Variants in ADCY7 observed in about 807,000 individuals in gnomAD.
ADCY7 encodes the protein adenylate cyclase 7, also known as adenylate cyclase type 7.
In ADCY7, 72 loss-of-function variants were observed where a neutral mutation model predicts 120.6. The ratio of observed to expected loss-of-function variants is 0.60; its 90% CI spans 0.49 to 0.73. The LOEUF (loss-of-function observed/expected upper bound fraction) is 0.73, where lower values mean the gene tolerates loss of function less well. ADCY7 is among the 30% of genes least tolerant of loss of function. ADCY7 has a pLI of 0.00. For synonymous variants in ADCY7, 661 were observed against 628.0 expected, an observed-to-expected ratio of 1.05 and a Z score of -0.78; for missense variants, 1,227 against 1,486.0, an observed-to-expected ratio of 0.83 and a Z score of 2.87.
chr16:50,290,739 C>G, intron 3 of ADCY7, 79 bp downstream of exon 3: 1 of 1,459,250 alleles, frequency 6.9e-7, no homozygotes, highest in Non-Finnish European at 9.3e-7. Flanking sequence ...TGCCACAGGC[C>G]CTTCGTGCCC....
rs2035413182 is a variant in ADCY7 at position 50,297,254 on chromosome 16, A to G, written c.949-1650A>G. On this transcript the variant is annotated intron_variant, in intron 7 of 25. Coordinates refer to ENST00000673801, the MANE Select transcript of ADCY7 (RefSeq NM_001114.5). The surrounding 1 kb of genome is among the most constrained non-coding windows in gnomAD (Gnocchi z 4.4). ...GAAGTGTAAGCTCTTTCCAAGAGCC[A>G]GGGCCTCCTCTCTCAGAGGCATACA... Among the ~76,000 whole-genome samples the G allele has an allele frequency of 8.6e-6, 1 of 116,178 alleles. No individual in the cohort carries two copies. Among genetic ancestry groups the G allele is most frequent in the Non-Finnish European group, 2.1e-5 (1 of 47,758 alleles). 76.2% of individuals were successfully genotyped at this position (116,178 alleles called of 152,430 possible).
chr16:50,302,878 G>A (rs2035822871), intron 10 of ADCY7, among the ~76,000 whole-genome samples: 1 of 152,224 alleles, frequency 6.6e-6, no homozygotes, highest in Admixed American at 6.5e-5. Context: ...TTTTGACATG[G>A]AGGTGGATTT....
chr16:50,309,726 G>A (rs1422265297), intron 18 of ADCY7, 80 bp downstream of exon 18: 2 of 1,276,978 alleles, frequency 1.6e-6, no homozygotes, highest in South Asian at 2.7e-5. Flanking sequence ...GACCCTCAAA[G>A]CATGGGTGCT....
rs761960254 is a variant in ADCY7, at chr16:50,314,989, G to A, written c.2972-25G>A. 3 of 1,613,570 alleles carry A rather than the reference G, an allele frequency of 1.9e-6. No homozygotes were observed. In the East Asian group the frequency reaches 6.7e-5, roughly 36 times the overall value. On this transcript the variant is annotated intron_variant, in intron 24 of 25. Transcript: ENST00000673801. ...AGCTTGAGGCTTTGCCTGCACGCTT[G>A]GGTAACTGTAAACATCATCTTCAGG...
Position 50,315,121 on chromosome 16 carries a change from G to A in ADCY7, c.3079G>A (p.Glu1027Lys). 6.2e-7 allele frequency: 1 copy of A among 1,614,200 alleles called. No homozygotes were observed. Among genetic ancestry groups the A allele is most frequent in the East Asian group, 2.2e-5 (1 of 44,884 alleles). The change falls in exon 25 of 26, where the codon GAA becomes AAA. Residue 1027 changes from glutamate to lysine, a missense_variant. This residue lies in a region of ADCY7 where 244 missense variants were observed against 332.8 expected (regional missense o/e 0.73). Coordinates refer to ENST00000673801, the MANE Select transcript of ADCY7 (RefSeq NM_001114.5). ...NVASRMESTG[E>K]LGKIQVTEET... ...GGCCAGCCGAATGGAAAGCACTGGA[G>A]AACTTGGGAAAATCCAGGTAAAGAC... is the stretch of plus-strand genomic sequence containing the variant.
chr16:50,270,045 G>A (rs2033455733), intron 1 of ADCY7, among the ~76,000 whole-genome samples: 1 of 152,088 alleles, frequency 6.6e-6, no homozygotes, highest in Admixed American at 6.6e-5. Context: ...ACAAATATTA[G>A]CCAGCATGGT....
Position 50,315,436 on chromosome 16 carries a change from C to T in ADCY7, c.3174C>T (p.Gly1058=), listed in dbSNP as rs201550200. The change falls in exon 26 of 26, where the codon GGC becomes GGT. Residue 1058 remains glycine (G), a synonymous_variant. Transcript: ENST00000673801. ...GCCGTGGCCTGATCAACGTCAAAGG[C>T]AAAGGCGAGCTGAGGACTTACTTTG... The part of the protein sequence containing the change: ...CECRGLINVK[G]KGELRTYFVC... 3.1e-6 allele frequency: 5 copies of T among 1,614,172 alleles called. No homozygotes were observed. The highest frequency in any genetic ancestry group is 4.2e-6 in the Non-Finnish European group (5 of 1,180,012).
rs146699753 is a variant in ADCY7, at chr16:50,315,364, C to T, written c.3102C>T (p.Thr1034=). ...AGGTCTCTCTTCCTTTTCAGGTTAC[C>T]GAGGAGACCTGCACCATCCTCCAGG... is the stretch of plus-strand genomic sequence containing the variant. ...STGELGKIQV[T]EETCTILQGL... Residue 1034 remains threonine (T), a synonymous_variant, in exon 26 of 26, where the codon ACC becomes ACT. Transcript: ENST00000673801. The T allele has an allele frequency of 1.4e-4, 226 of 1,605,502 alleles. No homozygotes were observed. In the East Asian group the frequency reaches 2.3e-3, roughly 16 times the overall value.
In ADCY7 at chr16:50,294,769, C is replaced by T. The variant is rs752766398; in HGVS notation, c.948+18C>T. 4 of 1,586,662 alleles carry T rather than the reference C, an allele frequency of 2.5e-6. No individual in the cohort carries two copies. The highest frequency in any genetic ancestry group is 2.7e-5 in the African/African-American group (2 of 74,434). ...TCGCCAAGGTGAGCCCGCTGGCCTA[C>T]AATGGGCAAAGCCAGGCCCCTCCCC... On this transcript the variant is annotated intron_variant, in intron 7 of 25. Coordinates refer to ENST00000673801, the MANE Select transcript of ADCY7 (RefSeq NM_001114.5).
chr16:50,262,973 C>T (rs1380425490), upstream of ADCY7, among the ~76,000 whole-genome samples: 1 of 152,122 alleles, frequency 6.6e-6, no homozygotes, highest in African/African-American at 2.4e-5. Flanking sequence ...TGCTCATTAC[C>T]TTGTAATGGG....
intron 1 of ADCY7, among the ~76,000 whole-genome samples, chr16:50,277,600 C>T (rs1004396214): frequency 1.3e-5 from 2 of 151,644 alleles, no homozygotes; most frequent in Non-Finnish European, 2.9e-5. Flanking sequence ...TCAAGTGATC[C>T]GCCTGCCTCA....
At chr16:50,299,827 CTTG>C (rs1393184556) in intron 8 of ADCY7, among the ~76,000 whole-genome samples, 1 of 152,222 alleles carries the variant, frequency 6.6e-6, no homozygotes, top group Non-Finnish European at 1.5e-5. Context: ...AGTGCCCAGC[CTTG>C]TTGGTGGACA....
At chr16:50,245,535 C>G (rs539975362), upstream of ADCY7, among the ~76,000 whole-genome samples, 4 of 152,166 alleles carry the variant, frequency 2.6e-5, no homozygotes, top group Non-Finnish European at 5.9e-5. Flanking sequence ...ACTGGGGCCC[C>G]ACCCTGGGTT....
chr16:50,304,846 G>T, intron 11 of ADCY7, 79 bp from the exon 12 acceptor site: 1 of 1,587,480 alleles, frequency 6.3e-7, no homozygotes, highest in South Asian at 1.1e-5. Context: ...TGCCGGAGGG[G>T]CTGAACCTGG....
Position 50,305,816 on chromosome 16 carries a change from G to C in ADCY7, c.1719G>C (p.Gly573=), listed in dbSNP as rs2036026496. Residue 573 remains glycine (G), a synonymous_variant, in exon 14 of 26, where the codon GGG becomes GGC. Coordinates refer to ENST00000673801, the MANE Select transcript of ADCY7 (RefSeq NM_001114.5). ...CSKSDDFYTF[G]SIFLEKGFER... is the part of the protein sequence containing the mutation. ...AGTCCGATGACTTCTACACCTTTGGGTCCATCTTCCTGGAGAAGGGCTTTG... is the reference window on the plus strand; with the variant it reads ...AGTCCGATGACTTCTACACCTTTGGCTCCATCTTCCTGGAGAAGGGCTTTG... The C allele has an allele frequency of 6.2e-7, 1 of 1,613,942 alleles. No homozygotes were observed. The highest frequency in any genetic ancestry group is 8.5e-7 in the Non-Finnish European group (1 of 1,180,008).
chr16:50,306,775 G>A (rs191360420), intron 14 of ADCY7, among the ~76,000 whole-genome samples: 1 of 152,208 alleles, frequency 6.6e-6, no homozygotes, highest in Non-Finnish European at 1.5e-5. Flanking sequence ...GGAAACAGGC[G>A]AAACTTACCA....
chr16:50,304,647 T>G (rs953265995), intron 11 of ADCY7, 96 bp downstream of exon 11: 1 of 1,280,380 alleles, frequency 7.8e-7, no homozygotes, highest in Non-Finnish European at 1.1e-6. Context: ...TCAGCCTCAC[T>G]GTCCCCATCT....
intron 1 of ADCY7, among the ~76,000 whole-genome samples, chr16:50,284,942 GGC>G (rs2034489031): frequency 6.6e-6 from 1 of 152,186 alleles, no homozygotes; most frequent in African/African-American, 2.4e-5. Context: ...TACTGCAAAG[GGC>G]TATTTTGGGG....
chr16:50,279,182 T>C (rs1280851263), intron 1 of ADCY7, among the ~76,000 whole-genome samples: 1 of 152,156 alleles, frequency 6.6e-6, no homozygotes, highest in Non-Finnish European at 1.5e-5. Flanking sequence ...TATGGAGCTC[T>C]TCTTGTACCT....
Sources: gnomAD v4.1 joint callset for allele counts (sites outside exome capture counted in the v4.1 genomes callset) on GRCh38, gnomAD v4.1.1 for gene constraint, gnomAD v4.1.1 regional missense constraint, Gnocchi (gnomAD v3.1) non-coding constraint, MANE v1.5 for transcripts, NCBI Gene and HGNC (gene_info 2026-07-23, HGNC 2026-07-21) for gene names.